TSNARE1: variants seen among roughly 807,000 people sequenced by gnomAD.
TSNARE1 encodes the protein t-SNARE domain containing 1.
Under a neutral mutation model 62.0 loss-of-function variants are expected in TSNARE1, and 49 were observed. The observed-to-expected ratio is 0.79, with a 90% confidence interval of 0.63 to 1.00. The LOEUF is 1.00. TSNARE1 is among the 50% of genes least tolerant of loss of function. The pLI is 0.00. For missense variants in TSNARE1, 755 were observed against 700.1 expected (o/e 1.08, Z -0.88); for synonymous variants, 328 against 294.4 (o/e 1.11, Z -1.17).
intron 12 of TSNARE1, among the ~76,000 whole-genome samples, chr8:142,245,209 G>A (rs1449835842): frequency 6.6e-6 from 1 of 152,238 alleles, no homozygotes; most frequent in African/African-American, 2.4e-5. Context: ...CGGATTGAGA[G>A]GAGCTCGTCT....
intron 13 of TSNARE1, among the ~76,000 whole-genome samples, chr8:142,213,633 A>C (rs1586734068): frequency 6.6e-6 from 1 of 152,226 alleles, no homozygotes; most frequent in African/African-American, 2.4e-5. Flanking sequence ...GGAGGAGCAG[A>C]GGAAGGAGGC....
intron 5 of TSNARE1, among the ~76,000 whole-genome samples, 188 bp from the exon 6 acceptor site, chr8:142,331,158 C>T (rs1486953341): frequency 2.0e-5 from 3 of 152,232 alleles, no homozygotes; most frequent in Non-Finnish European, 4.4e-5. Context: ...AGGTCACGCC[C>T]GCCAGAACCC....
At chr8:142,357,595 G>A (rs1187586412) in intron 1 of TSNARE1, among the ~76,000 whole-genome samples, 1 of 152,188 alleles carries the variant, frequency 6.6e-6, no homozygotes, top group Non-Finnish European at 1.5e-5. Context: ...CCCAGGGAGA[G>A]TCAAGGACAA....
chr8:142,352,369 G>C (rs573575876), intron 2 of TSNARE1, among the ~76,000 whole-genome samples: 1 of 152,252 alleles, frequency 6.6e-6, no homozygotes, highest in African/African-American at 2.4e-5. Flanking sequence ...ATCACCGTCC[G>C]ACACCCCTGG....
In TSNARE1 at chr8:142,361,962, A is replaced by G. The variant is rs898350230; in HGVS notation, c.-39-7199T>C. Among the ~76,000 whole-genome samples, 4 of 152,250 alleles carry G rather than the reference A, an allele frequency of 2.6e-5. No individual in the cohort carries two copies. The South Asian group carries it at 8.3e-4, about 31-fold the overall frequency. On this transcript the variant is annotated intron_variant, in intron 1 of 13. Coordinates refer to ENST00000524325, the MANE Select transcript of TSNARE1 (RefSeq NM_145003.5). ...TACCCTTTGGGGGAAACCAGTTTCC[A>G]GGGCAAAATGAAACTGCAAAGTTCA...
At chr8:142,222,205 C>T (rs1361906082) in intron 13 of TSNARE1, among the ~76,000 whole-genome samples, 1 of 60,610 alleles carries the variant, frequency 1.6e-5, no homozygotes, top group African/African-American at 6.7e-5. Flanking sequence ...CACTCACTCA[C>T]TCATCCGCTC....
intron 10 of TSNARE1, among the ~76,000 whole-genome samples, chr8:142,293,691 C>G (rs2076914800): frequency 6.6e-6 from 1 of 152,246 alleles, no homozygotes; most frequent in Non-Finnish European, 1.5e-5. Context: ...CTCCCACCAG[C>G]CTGGCTGCCA....
intron 12 of TSNARE1, 33 bp downstream of exon 12, chr8:142,274,739 AGGCCGGGCC>A (rs770709560): frequency 6.9e-7 from 1 of 1,455,906 alleles, no homozygotes; most frequent in Non-Finnish European, 9.1e-7. Context: ...TAGGGGACGG[AGGCCGGGCC>A]GGCCGGGCAC....
At chr8:142,274,731 G>C in intron 12 of TSNARE1, 50 bp downstream of exon 12, 2 of 1,442,736 alleles carry the variant, frequency 1.4e-6, no homozygotes, top group Non-Finnish European at 1.8e-6. Flanking sequence ...TTGGAGGATA[G>C]GGGACGGAGG....
chr8:142,290,342 G>A (rs1045561532), intron 10 of TSNARE1, among the ~76,000 whole-genome samples: 16 of 152,214 alleles, frequency 1.1e-4, no homozygotes, highest in Non-Finnish European at 2.2e-4. Context: ...GGGAGAGCGG[G>A]GAAGACCCAG....
At chr8:142,368,439 C>T (rs1007334413) in intron 1 of TSNARE1, among the ~76,000 whole-genome samples, 1 of 148,998 alleles carries the variant, frequency 6.7e-6, no homozygotes, top group Admixed American at 6.7e-5. Flanking sequence ...GAGTGCTGCC[C>T]GAACCTAACA....
At chr8:142,300,406 A>T in intron 10 of TSNARE1, 80 bp downstream of exon 10, 1 of 1,486,594 alleles carries the variant, frequency 6.7e-7, no homozygotes, top group Non-Finnish European at 9.0e-7. Context: ...ATGGTGCAGC[A>T]GGCTGGCACC....
intron 12 of TSNARE1, chr8:142,270,514 A>G (rs902882041): frequency 7.5e-6 from 7 of 935,914 alleles, no homozygotes; most frequent in South Asian, 5.1e-5. Context: ...TTATGTATTT[A>G]TAACAGAAAA....
At chr8:142,287,626 C>T (rs1182321694) in intron 10 of TSNARE1, among the ~76,000 whole-genome samples, 314 of 102,226 alleles carry the variant, frequency 3.1e-3, no homozygotes, top group Middle Eastern at 0.016. Flanking sequence ...ACCCAGGACC[C>T]CGGCCAGATC....
chr8:142,323,872 T>C (rs1194099996), intron 6 of TSNARE1, among the ~76,000 whole-genome samples: 2 of 152,210 alleles, frequency 1.3e-5, no homozygotes, highest in South Asian at 2.1e-4. Flanking sequence ...TCCATCACCA[T>C]AGCATGCATG....
intron 12 of TSNARE1, among the ~76,000 whole-genome samples, chr8:142,234,803 G>A (rs1265275408): frequency 1.3e-5 from 2 of 152,060 alleles, no homozygotes; most frequent in Non-Finnish European, 2.9e-5. Flanking sequence ...CAAGCCTAGA[G>A]AGGGCTACAC....
At chr8:142,381,849 G>A (rs529633611) in intron 1 of TSNARE1, among the ~76,000 whole-genome samples, 1 of 152,300 alleles carries the variant, frequency 6.6e-6, no homozygotes, top group Admixed American at 6.5e-5. Flanking sequence ...CTTGGCATTG[G>A]GAACAGGCAG....
At chr8:142,259,362 C>T (rs974270294) in intron 12 of TSNARE1, among the ~76,000 whole-genome samples, 1 of 152,174 alleles carries the variant, frequency 6.6e-6, no homozygotes, top group African/African-American at 2.4e-5. Flanking sequence ...CTTCTGTAGA[C>T]AGGAAAGGGC....
intron 10 of TSNARE1, among the ~76,000 whole-genome samples, chr8:142,297,602 G>A (rs935205089): frequency 3.3e-5 from 5 of 152,200 alleles, no homozygotes; most frequent in South Asian, 2.1e-4. Flanking sequence ...ACAGCCAGCC[G>A]AGGTGCGTAA....
Sources: allele counts gnomAD v4.1 joint callset (sites outside exome capture counted in the v4.1 genomes callset), GRCh38; gene constraint gnomAD v4.1.1; transcripts MANE v1.5; gene names NCBI Gene and HGNC (gene_info 2026-07-23, HGNC 2026-07-21).